The following DCC variants were observed in gnomAD, a reference collection of about 807,000 sequenced individuals.
The protein encoded by DCC is DCC netrin 1 receptor, also known as netrin receptor DCC.
DCC carries 58 observed loss-of-function variants against 172.5 expected under a neutral mutation model. That is an observed-to-expected ratio of 0.34 (90% CI 0.27 to 0.42). The LOEUF (loss-of-function observed/expected upper bound fraction) is 0.42, where lower values mean the gene tolerates loss of function less well. DCC is among the 10% of genes least tolerant of loss of function. The probability of loss-of-function intolerance (pLI) is 1.00; values close to 1 mark genes in which losing one functional copy is unlikely to be tolerated. For synonymous variants in DCC, 709 were observed against 644.5 expected (o/e 1.10, Z -1.52); for missense variants, 1,740 against 1,791.0 (o/e 0.97, Z 0.51).
chr18:53,313,426 A>G lies in DCC; in HGVS notation c.2053+7707A>G, dbSNP rs543221486. ...ACGTCAGGCTAATTTTTGTATTTTT[A>G]GTAGAAACGGAGTTTCACCATGTTG... On this transcript the variant is annotated intron_variant, in intron 13 of 28. Transcript: ENST00000442544. Among the ~76,000 whole-genome samples, 103 of 152,088 alleles carry G rather than the reference A, an allele frequency of 6.8e-4. 1 individual carries two copies. Among genetic ancestry groups the G allele is most frequent in the African/African-American group, 2.0e-3 (84 of 41,500 alleles).
intron 5 of DCC, among the ~76,000 whole-genome samples, chr18:52,969,992 T>C (rs1390258042): frequency 6.6e-6 from 1 of 151,994 alleles, no homozygotes; most frequent in African/African-American, 2.4e-5. Flanking sequence ...ATAAGAGTTC[T>C]TACATTTGGA....
chr18:52,835,990 A>T (rs2038697742), intron 2 of DCC, among the ~76,000 whole-genome samples: 1 of 152,204 alleles, frequency 6.6e-6, no homozygotes, highest in African/African-American at 2.4e-5. Flanking sequence ...CTCACAAGGG[A>T]GGCCTCAGGA....
At chr18:52,617,945 T>G (rs1352688694) in intron 1 of DCC, among the ~76,000 whole-genome samples, 1 of 152,166 alleles carries the variant, frequency 6.6e-6, no homozygotes, top group Non-Finnish European at 1.5e-5. Context: ...AAGGCCTGGC[T>G]CAAAGGTATG....
intron 1 of DCC, among the ~76,000 whole-genome samples, chr18:52,645,952 T>G (rs544237910): frequency 9.2e-5 from 14 of 152,344 alleles, no homozygotes; most frequent in Non-Finnish European, 1.9e-4. Context: ...GCTTACAATT[T>G]TGGAATTACT....
At chr18:52,510,133 A>T (rs1326878817) in intron 1 of DCC, among the ~76,000 whole-genome samples, 2 of 152,104 alleles carry the variant, frequency 1.3e-5, no homozygotes, top group East Asian at 3.9e-4. Flanking sequence ...AAAAAAAAAA[A>T]AAGTCTAGTT....
chr18:53,260,576 A>G lies in DCC; in HGVS notation c.1911+44979A>G, dbSNP rs928494245. Among the ~76,000 whole-genome samples, 8 of 152,166 alleles carry G rather than the reference A, an allele frequency of 5.3e-5. No individual in the cohort carries two copies. In the East Asian group the frequency reaches 1.2e-3, roughly 22 times the overall value. Reference sequence around the variant, plus strand: ...CGTTCCTCTGGAAGTTTTGTCTCGGAGGAGTACCTGGCTGTGTGAGGTGTC... The same window carrying G: ...CGTTCCTCTGGAAGTTTTGTCTCGGGGGAGTACCTGGCTGTGTGAGGTGTC... On this transcript the variant is annotated intron_variant, in intron 12 of 28. Transcript: ENST00000442544.
At position 52,822,350 on chromosome 18, in the gene DCC, G is replaced by T. The variant is rs965384943; in HGVS notation, c.412+69976G>T. Among the ~76,000 whole-genome samples the T allele has an allele frequency of 2.0e-5, 3 of 152,276 alleles. 1 individual carries two copies. The South Asian group carries it at 6.2e-4, about 32-fold the overall frequency. ...TGCCCAATTAGTATCTCTACCTACT[G>T]CTCATTCCAAAGGTCTCCAACCAGC... On this transcript the variant is annotated intron_variant, in intron 2 of 28. Coordinates refer to ENST00000442544, the MANE Select transcript of DCC (RefSeq NM_005215.4).
intron 1 of DCC, among the ~76,000 whole-genome samples, chr18:52,733,685 A>T (rs999213402): frequency 6.6e-6 from 1 of 152,160 alleles, no homozygotes; most frequent in East Asian, 1.9e-4. Context: ...TTGTAAAGAC[A>T]TGTTCTCGCT....
At chr18:53,200,259 A>G (rs1175588426) in intron 9 of DCC, among the ~76,000 whole-genome samples, 2 of 152,216 alleles carry the variant, frequency 1.3e-5, no homozygotes, top group Non-Finnish European at 2.9e-5. Context: ...CATGCACACC[A>G]AACACATAGA....
intron 25 of DCC, among the ~76,000 whole-genome samples, chr18:53,470,153 T>C (rs1453771398): frequency 5.3e-5 from 8 of 152,106 alleles, no homozygotes; most frequent in Admixed American, 2.0e-4. Context: ...TTAGATAATG[T>C]CATCTAGTAT....
At chr18:52,927,214 TACAC>T (rs1286820282) in intron 5 of DCC, among the ~76,000 whole-genome samples, 24 of 134,338 alleles carry the variant, frequency 1.8e-4, no homozygotes, top group East Asian at 1.1e-3. Flanking sequence ...TATGTACATA[TACAC>T]ATATATGCAC....
chr18:53,380,641 G>A (rs1387782292), intron 15 of DCC, among the ~76,000 whole-genome samples: 1 of 152,124 alleles, frequency 6.6e-6, no homozygotes. Flanking sequence ...CCTGGAAAAG[G>A]CAGTCAAAGG....
intron 2 of DCC, among the ~76,000 whole-genome samples, chr18:52,830,834 C>T (rs1284897605): frequency 6.6e-6 from 1 of 152,048 alleles, no homozygotes; most frequent in Admixed American, 6.5e-5. Flanking sequence ...GGCACTATTC[C>T]AATTACTTGG....
chr18:53,370,522 T>C (rs1599074712), intron 15 of DCC, among the ~76,000 whole-genome samples: 1 of 151,844 alleles, frequency 6.6e-6, no homozygotes, highest in African/African-American at 2.4e-5. Flanking sequence ...TTTACAGCTG[T>C]AAACTTTACC....
In DCC at chr18:52,362,881, TTTCC is replaced by T. The variant is rs936533414; in HGVS notation, c.91+22019_91+22022del. ...TTTCTTTCGTTCATTCATTCGTTCA[TTTCC>T]TTCCTTCCTTCCTTCTTTCCTTTCT... On this transcript the variant is annotated intron_variant, in intron 1 of 28. Transcript: ENST00000442544. Among the ~76,000 whole-genome samples the T allele has an allele frequency of 7.9e-5, 12 of 152,244 alleles. No individual in the cohort carries two copies. The South Asian group carries it at 1.2e-3, about 16-fold the overall frequency.
chr18:52,418,368 T>C (rs574596683), intron 1 of DCC, among the ~76,000 whole-genome samples: 22 of 152,160 alleles, frequency 1.4e-4, no homozygotes, highest in Non-Finnish European at 3.1e-4. Context: ...ATGGCCTCTG[T>C]AGGCAGACAA....
At chr18:53,357,784 G>T (rs2144922867) in intron 15 of DCC, among the ~76,000 whole-genome samples, 1 of 152,278 alleles carries the variant, frequency 6.6e-6, no homozygotes, top group Admixed American at 6.5e-5. Context: ...TTTATGTACA[G>T]TGCAGCAATA....
intron 15 of DCC, among the ~76,000 whole-genome samples, chr18:53,359,149 A>G (rs1024418179): frequency 6.6e-6 from 1 of 152,178 alleles, no homozygotes; most frequent in Admixed American, 6.6e-5. Flanking sequence ...AGTTCATATA[A>G]GAGAGTTGCA....
chr18:52,580,195 T>G (rs971894129), intron 1 of DCC, among the ~76,000 whole-genome samples: 3 of 152,344 alleles, frequency 2.0e-5, no homozygotes, highest in African/African-American at 7.2e-5. Flanking sequence ...CCTGACATTA[T>G]GCTTGATTCA....
Sources: gnomAD v4.1 joint callset for allele counts (sites outside exome capture counted in the v4.1 genomes callset) on GRCh38, gnomAD v4.1.1 for gene constraint, MANE v1.5 for transcripts, NCBI Gene and HGNC (gene_info 2026-07-23, HGNC 2026-07-21) for gene names.